ZFYVE28: variants seen among roughly 807,000 people sequenced by gnomAD.
ZFYVE28 encodes zinc finger FYVE-type containing 28, also known as lateral signaling target protein 2 homolog.
ZFYVE28 carries 40 observed loss-of-function variants against 82.1 expected under a neutral mutation model. The ratio of observed to expected loss-of-function variants is 0.49; its 90% CI spans 0.38 to 0.63. The LOEUF (loss-of-function observed/expected upper bound fraction) is 0.63. ZFYVE28 is among the 30% of genes least tolerant of loss of function. The pLI is 0.00. For synonymous variants in ZFYVE28, 612 were observed against 546.1 expected (o/e 1.12, Z -1.68); for missense variants, 1,321 against 1,242.1 (o/e 1.06, Z -0.96).
chr4:2,347,024 T>C (rs1723700671), intron 2 of ZFYVE28, among the ~76,000 whole-genome samples: 1 of 152,124 alleles, frequency 6.6e-6, no homozygotes, highest in South Asian at 2.1e-4. Flanking sequence ...AACTATATGC[T>C]GCCTACAAGA....
At chr4:2,401,814 C>T (rs1731214229) in intron 1 of ZFYVE28, among the ~76,000 whole-genome samples, 1 of 152,214 alleles carries the variant, frequency 6.6e-6, no homozygotes, top group Non-Finnish European at 1.5e-5. Context: ...GCAAAACCCT[C>T]GGGGGTCCCA....
At chr4:2,381,457 A>G (rs1446552610) in intron 1 of ZFYVE28, among the ~76,000 whole-genome samples, 3 of 152,224 alleles carry the variant, frequency 2.0e-5, no homozygotes, top group African/African-American at 7.2e-5. Flanking sequence ...CCCAGGCTGG[A>G]GTGCAATGGT....
intron 1 of ZFYVE28, among the ~76,000 whole-genome samples, chr4:2,384,732 C>A (rs980893248): frequency 2.0e-5 from 3 of 152,194 alleles, no homozygotes; most frequent in Non-Finnish European, 2.9e-5. Context: ...AAATGAATGA[C>A]TGAATTACTT....
intron 8 of ZFYVE28, among the ~76,000 whole-genome samples, chr4:2,284,271 G>C (rs1271733492): frequency 1.3e-5 from 2 of 152,118 alleles, no homozygotes; most frequent in South Asian, 2.1e-4. Context: ...GCCCAGGCTG[G>C]AGCACAGTGG....
In ZFYVE28 at chr4:2,416,970, T is replaced by A. The variant is rs921423554; in HGVS notation, c.39+1315A>T. On this transcript the variant is annotated intron_variant, in intron 1 of 12. Transcript: ENST00000290974. The surrounding 1 kb of genome is among the most constrained non-coding windows in gnomAD (Gnocchi z 4.6). ...GTGAGCCCTCAAACCTCCGTGCCGATCTTCCAAACCCACCTCCCGCCTTCC... is the reference window on the plus strand; with the variant it reads ...GTGAGCCCTCAAACCTCCGTGCCGAACTTCCAAACCCACCTCCCGCCTTCC... 1.3e-5 allele frequency among the ~76,000 whole-genome samples: 2 copies of A among 152,196 alleles called. 1 individual carries two copies. The highest frequency in any genetic ancestry group is 4.1e-4 in the South Asian group (2 of 4,830).
At chr4:2,346,651 T>G (rs955030646) in intron 2 of ZFYVE28, among the ~76,000 whole-genome samples, 1 of 152,172 alleles carries the variant, frequency 6.6e-6, no homozygotes, top group Non-Finnish European at 1.5e-5. Flanking sequence ...GTCTTTATAC[T>G]CTATGTGAAA....
intron 1 of ZFYVE28, among the ~76,000 whole-genome samples, chr4:2,360,826 T>C (rs1726045298): frequency 6.6e-6 from 1 of 152,330 alleles, no homozygotes; most frequent in East Asian, 1.9e-4. Flanking sequence ...GGGCTCACCC[T>C]CAAGTGAGCC....
At chr4:2,297,434 G>A (rs183683457) in intron 8 of ZFYVE28, among the ~76,000 whole-genome samples, 139 of 152,324 alleles carry the variant, frequency 9.1e-4, no homozygotes, top group African/African-American at 3.2e-3. Flanking sequence ...CGGAGGAGTC[G>A]CCAGGTGGGG....
chr4:2,342,833 T>C (rs2108866669), intron 2 of ZFYVE28: 2 of 152,296 alleles, frequency 1.3e-5, no homozygotes, highest in Middle Eastern at 3.4e-3. Flanking sequence ...CTAGGAAAAC[T>C]GGAACCAATG....
intron 8 of ZFYVE28, among the ~76,000 whole-genome samples, chr4:2,293,170 T>TGTGAA (rs1417087985): frequency 6.6e-6 from 1 of 151,634 alleles, no homozygotes; most frequent in Non-Finnish European, 1.5e-5. Flanking sequence ...AAGATGAAGG[T>TGTGAA]CATCTGTGAA....
intron 1 of ZFYVE28, among the ~76,000 whole-genome samples, chr4:2,405,635 G>C (rs145262352): frequency 1.3e-5 from 2 of 152,210 alleles, no homozygotes; most frequent in Non-Finnish European, 2.9e-5. Context: ...AGTGGCCCCC[G>C]TGCCCATTGT....
At chr4:2,293,214 T>C (rs1175965730) in intron 8 of ZFYVE28, among the ~76,000 whole-genome samples, 1 of 152,114 alleles carries the variant, frequency 6.6e-6, no homozygotes, top group Non-Finnish European at 1.5e-5. Context: ...TAACAGTAGA[T>C]ACTGAATGCT....
intron 7 of ZFYVE28, among the ~76,000 whole-genome samples, chr4:2,308,683 G>GAAAGAAAAGAAAAGAAAAGAAAAGA (rs148489471): frequency 3.7e-5 from 3 of 81,442 alleles, no homozygotes; most frequent in African/African-American, 1.5e-4. Flanking sequence ...GAAAGAGAAA[G>GAAAGAAAAGAAAAGAAAAGAAAAGA]AAAGAAAAGA....
chr4:2,291,857 C>A (rs539181805), intron 8 of ZFYVE28, among the ~76,000 whole-genome samples: 1 of 152,348 alleles, frequency 6.6e-6, no homozygotes, highest in South Asian at 2.1e-4. Flanking sequence ...CAGCCACCAG[C>A]CAGTCCATGG....
intron 1 of ZFYVE28, among the ~76,000 whole-genome samples, chr4:2,379,073 C>T (rs1728458740): frequency 6.6e-6 from 1 of 152,120 alleles, no homozygotes. Flanking sequence ...TGTCTCATGA[C>T]AGCAGGGGGT....
chr4:2,329,144 T>G (rs1214302756), intron 6 of ZFYVE28: 1 of 697,692 alleles, frequency 1.4e-6, no homozygotes, highest in Non-Finnish European at 2.6e-6. Flanking sequence ...TTTCCATTTC[T>G]GCAAAACAAA....
At chr4:2,379,870 T>C (rs1728549619) in intron 1 of ZFYVE28, among the ~76,000 whole-genome samples, 1 of 152,094 alleles carries the variant, frequency 6.6e-6, no homozygotes, top group Non-Finnish European at 1.5e-5. Context: ...TCACTGCGGC[T>C]TCCATCTCCC....
In ZFYVE28 at chr4:2,416,817, C is replaced by T. The variant is rs1353393421; in HGVS notation, c.39+1468G>A. ...AACCCTGAATCCCCCCGAGTCCCCT[C>T]CCAATCAAGCCAAGGCCGAGCAAGG... On this transcript the variant is annotated intron_variant, in intron 1 of 12. Coordinates refer to ENST00000290974, the MANE Select transcript of ZFYVE28 (RefSeq NM_020972.3). This position sits in a 1 kb window ranked among gnomAD's most constrained non-coding sequence, Gnocchi z 4.6. Among the ~76,000 whole-genome samples the T allele has an allele frequency of 3.9e-5, 6 of 152,068 alleles. No individual in the cohort carries two copies. Among genetic ancestry groups the T allele is most frequent in the African/African-American group, 1.4e-4 (6 of 41,414 alleles).
intron 6 of ZFYVE28, among the ~76,000 whole-genome samples, chr4:2,329,764 C>T (rs147344578): frequency 2.0e-5 from 3 of 152,298 alleles, no homozygotes; most frequent in African/African-American, 7.2e-5. Flanking sequence ...TTTTGCATAG[C>T]ATTAGGAGAT....
Sources: allele counts gnomAD v4.1 joint callset (sites outside exome capture counted in the v4.1 genomes callset), GRCh38; gene constraint gnomAD v4.1.1; non-coding constraint Gnocchi (gnomAD v3.1); transcripts MANE v1.5; gene names NCBI Gene and HGNC (gene_info 2026-07-23, HGNC 2026-07-21).